KIAA1671: variants seen among roughly 807,000 people sequenced by gnomAD.
KIAA1671 encodes the protein uncharacterized protein KIAA1671.
Under a neutral mutation model 131.2 loss-of-function variants are expected in KIAA1671, and 52 were observed. The observed-to-expected ratio is 0.40, with a 90% CI of 0.32 to 0.50. KIAA1671 has a LOEUF of 0.50. Among genes scored for constraint, KIAA1671 ranks in the 20% least tolerant of loss-of-function variants. KIAA1671 has a pLI of 0.73. For synonymous variants in KIAA1671, 1,003 were observed against 961.6 expected, an observed-to-expected ratio of 1.04 and a Z score of -0.80; for missense variants, 2,360 against 2,364.2, an observed-to-expected ratio of 1.00 and a Z score of 0.04.
At chr22:25,004,272 C>T (rs769826621) in intron 1 of KIAA1671, among the ~76,000 whole-genome samples, 9 of 152,016 alleles carry the variant, frequency 5.9e-5, no homozygotes, top group Non-Finnish European at 1.2e-4. Context: ...CACACCACCA[C>T]GCCTGGCTAA....
At chr22:25,068,563 A>T (rs1461480199) in intron 6 of KIAA1671, among the ~76,000 whole-genome samples, 2 of 151,972 alleles carry the variant, frequency 1.3e-5, no homozygotes, top group Non-Finnish European at 2.9e-5. Flanking sequence ...CAGCCTCCCG[A>T]GTAGCTGGGA....
intron 1 of KIAA1671, among the ~76,000 whole-genome samples, chr22:24,992,064 C>T (rs199728402): frequency 9.8e-5 from 15 of 152,286 alleles, no homozygotes; most frequent in East Asian, 7.7e-4. Flanking sequence ...GGACATGACT[C>T]ATGCCTACAC....
At position 25,040,283 on chromosome 22, in the gene KIAA1671, G is replaced by T. The variant is rs1750265501; in HGVS notation, c.3153G>T (p.Leu1051Phe). Reference protein sequence around the residue: ...KGVVLSGAESLLEHSRKITPP... With the variant: ...KGVVLSGAESFLEHSRKITPP... ...TGGTTCTGTCAGGAGCTGAAAGCTT[G>T]CTGGAACATTCTAGAAAAATCACTC... Residue 1051 changes from leucine (L) to phenylalanine (F), a missense_variant, in exon 5 of 13, where the codon TTG becomes TTT. This residue lies in a region of KIAA1671 where 1,161 missense variants were observed against 1,204.7 expected (regional missense o/e 0.96). Coordinates refer to ENST00000358431, the MANE Select transcript of KIAA1671 (RefSeq NM_001145206.2). 6.4e-7 allele frequency: 1 copy of T among 1,551,696 alleles called. No homozygotes were observed. The highest frequency in any genetic ancestry group is 1.4e-5 in the African/African-American group (1 of 73,162).
In KIAA1671 at chr22:25,041,031, C is replaced by A; in HGVS notation, c.3901C>A (p.Pro1301Thr). Residue 1301 changes from proline (P) to threonine (T), a missense_variant, in exon 5 of 13, where the codon CCC becomes ACC. Physicochemically the swap from Pro to Thr is conservative, Grantham distance 38 (BLOSUM62 -1). Around this residue, in one of 3 missense-constraint regions of KIAA1671, gnomAD observed 1,161 missense variants for 1,204.7 expected, o/e 0.96. Coordinates refer to ENST00000358431, the MANE Select transcript of KIAA1671 (RefSeq NM_001145206.2). Reference protein sequence around the residue: ...KSSPPFWALPPSAPSERYPGG... With the variant: ...KSSPPFWALPTSAPSERYPGG... ...TAGCCCTCCCTTCTGGGCTCTGCCA[C>A]CCTCGGCTCCTTCTGAAAGGTATCC... The A allele has an allele frequency of 6.7e-7, 1 of 1,496,418 alleles. No homozygotes were observed. 92.7% of individuals were successfully genotyped at this position (1,496,418 alleles called of 1,614,324 possible). A position where few individuals can be genotyped will look rare whatever the true frequency, so the allele number is the denominator to read the frequency against.
chr22:25,030,460 G>C (rs1418690104), intron 3 of KIAA1671, among the ~76,000 whole-genome samples: 5 of 150,902 alleles, frequency 3.3e-5, no homozygotes, highest in African/African-American at 1.2e-4. Flanking sequence ...GCTTGAACTC[G>C]GGAGGCAGAG....
At chr22:25,019,094 T>G (rs900134775) in intron 1 of KIAA1671, among the ~76,000 whole-genome samples, 25 of 117,302 alleles carry the variant, frequency 2.1e-4, no homozygotes, top group South Asian at 5.8e-4. Context: ...GTGTGTGTGT[T>G]TTAATTAAGT....
chr22:24,968,645 G>C (rs1555948210), intron 1 of KIAA1671, among the ~76,000 whole-genome samples: 1 of 152,120 alleles, frequency 6.6e-6, no homozygotes, highest in Non-Finnish European at 1.5e-5. Flanking sequence ...TATCTGGGTG[G>C]GTGGTGATGT....
chr22:25,051,549 C>T (rs914266162), intron 6 of KIAA1671: 2 of 152,350 alleles, frequency 1.3e-5, no homozygotes, highest in Non-Finnish European at 2.9e-5. Flanking sequence ...TCCCTTCCTC[C>T]TTTCCTGATC....
intron 6 of KIAA1671, chr22:25,052,466 T>TA (rs1253300255): frequency 1.3e-5 from 2 of 152,208 alleles, no homozygotes; most frequent in African/African-American, 4.8e-5. Flanking sequence ...GCCTAACACT[T>TA]ACTATCGTTA....
intron 10 of KIAA1671, 146 bp from the exon 11 acceptor site, chr22:25,184,831 A>G (rs1418793237): frequency 1.2e-6 from 1 of 838,664 alleles, no homozygotes; most frequent in African/African-American, 1.7e-5. Flanking sequence ...GACTTTTCTC[A>G]GCCCCCATGT....
chr22:24,979,435 C>T (rs1923110960), intron 1 of KIAA1671, among the ~76,000 whole-genome samples: 1 of 151,140 alleles, frequency 6.6e-6, no homozygotes, highest in African/African-American at 2.4e-5. Context: ...CTGCAAGCTC[C>T]ACCTCCCAGG....
At chr22:25,130,724 C>T (rs933484140) in intron 6 of KIAA1671, among the ~76,000 whole-genome samples, 1 of 152,206 alleles carries the variant, frequency 6.6e-6, no homozygotes, top group Non-Finnish European at 1.5e-5. Context: ...TTTCCCGGCA[C>T]CTGCAGCACA....
chr22:25,032,728 T>C lies in KIAA1671; in HGVS notation c.1629+32T>C. The C allele has an allele frequency of 2.1e-6, 3 of 1,410,498 alleles. No homozygotes were observed. The South Asian group carries it at 3.9e-5, about 18-fold the overall frequency. 87.4% of individuals were successfully genotyped at this position (1,410,498 alleles called of 1,614,324 possible). ...AGTGGCTGTGTAGCACGTCTCTCATTAACCAGCGGGCAGTTATGGCTGCTG... is the reference window on the plus strand; with the variant it reads ...AGTGGCTGTGTAGCACGTCTCTCATCAACCAGCGGGCAGTTATGGCTGCTG... On this transcript the variant is annotated intron_variant, in intron 4 of 12. Transcript: ENST00000358431.
At position 25,039,037 on chromosome 22, in the gene KIAA1671, C is replaced by T; in HGVS notation, c.1907C>T (p.Pro636Leu). ...TCGGGACGTTGTCTCTCCACCACAC[C>T]CCCTGGTGACATGGCCCATGCCCGT... ...DQSGRCLSTTPPGDMAHARVS... is the reference protein window; with the variant it reads ...DQSGRCLSTTLPGDMAHARVS... Residue 636 changes from proline (P) to leucine (L), a missense_variant, in exon 5 of 13, where the codon CCC (proline) becomes CTC (leucine). Physicochemically the swap from Pro to Leu is moderately conservative, Grantham distance 98. Around this residue, in one of 3 missense-constraint regions of KIAA1671, gnomAD observed 1,185 missense variants for 1,126.2 expected, o/e 1.05. Coordinates refer to ENST00000358431, the MANE Select transcript of KIAA1671 (RefSeq NM_001145206.2). 1 of 1,551,762 alleles carries T rather than the reference C, an allele frequency of 6.4e-7. No individual in the cohort carries two copies. Among genetic ancestry groups the T allele is most frequent in the South Asian group, 1.2e-5 (1 of 84,066 alleles).
chr22:25,166,678 C>T (rs567530739), intron 6 of KIAA1671, among the ~76,000 whole-genome samples: 1 of 152,326 alleles, frequency 6.6e-6, no homozygotes, highest in African/African-American at 2.4e-5. Context: ...ATGTGCCAGG[C>T]AGTGAGCTTA....
intron 11 of KIAA1671, among the ~76,000 whole-genome samples, chr22:25,188,447 G>GGT (rs59590267): frequency 0.14 from 19,228 of 137,692 alleles, 1,375 homozygotes; most frequent in East Asian, 0.29. Flanking sequence ...GAGCCAATCG[G>GGT]GTGTGTGTGT....
chr22:25,145,690 G>A (rs1027367229), intron 6 of KIAA1671, among the ~76,000 whole-genome samples: 31 of 152,308 alleles, frequency 2.0e-4, no homozygotes, highest in Non-Finnish European at 2.8e-4. Flanking sequence ...TGTAATCCCA[G>A]CATTTTGGGA....
At chr22:25,042,394 A>G (rs2145809465) in intron 5 of KIAA1671, among the ~76,000 whole-genome samples, 1 of 151,290 alleles carries the variant, frequency 6.6e-6, no homozygotes, top group African/African-American at 2.4e-5. Flanking sequence ...TTGTTGAATG[A>G]GTGAACAAGT....
intron 6 of KIAA1671, among the ~76,000 whole-genome samples, chr22:25,107,547 T>C (rs1198811347): frequency 8.0e-6 from 1 of 125,698 alleles, no homozygotes; most frequent in Non-Finnish European, 1.6e-5. Flanking sequence ...TGATCACAGC[T>C]CACTGCAGCC....
Sources: allele counts gnomAD v4.1 joint callset (sites outside exome capture counted in the v4.1 genomes callset), GRCh38; gene constraint gnomAD v4.1.1; regional missense constraint gnomAD v4.1.1; transcripts MANE v1.5; gene names NCBI Gene and HGNC (gene_info 2026-07-23, HGNC 2026-07-21).